The following HECW2 variants were observed in gnomAD, a reference collection of about 807,000 sequenced individuals.
HECW2 encodes E3 ubiquitin-protein ligase HECW2.
In HECW2, 61 loss-of-function variants were observed where a neutral mutation model predicts 175.2. The observed-to-expected ratio is 0.35, with a 90% CI of 0.28 to 0.43. The LOEUF (loss-of-function observed/expected upper bound fraction) is 0.43, where lower values mean the gene tolerates loss of function less well. HECW2 is among the 20% of genes least tolerant of loss of function. HECW2 has a pLI of 1.00. For missense variants in HECW2, 1,524 were observed against 2,000.5 expected (o/e 0.76, Z 4.54); for synonymous variants, 671 against 731.0 (o/e 0.92, Z 1.32).
chr2:196,293,441 T>C (rs1412339550), intron 13 of HECW2, among the ~76,000 whole-genome samples: 1 of 152,226 alleles, frequency 6.6e-6, no homozygotes, highest in East Asian at 1.9e-4. Context: ...TTTGCTATTG[T>C]GAATGATGCT....
At chr2:196,425,225 G>GAA in intron 2 of HECW2, among the ~76,000 whole-genome samples, 1 of 143,466 alleles carries the variant, frequency 7.0e-6, no homozygotes, top group Non-Finnish European at 1.5e-5. Flanking sequence ...ATACTGCTTG[G>GAA]AAAAAAAAAA....
chr2:196,438,592 A>G (rs1447898977), intron 1 of HECW2, among the ~76,000 whole-genome samples: 1 of 152,216 alleles, frequency 6.6e-6, no homozygotes, highest in Non-Finnish European at 1.5e-5. Flanking sequence ...ATTGATCAGA[A>G]AGACCCTGAA....
chr2:196,370,202 T>G (rs540546186), intron 2 of HECW2, among the ~76,000 whole-genome samples: 2 of 151,742 alleles, frequency 1.3e-5, no homozygotes, highest in African/African-American at 4.8e-5. Context: ...CTGCTGCTGA[T>G]TATTTAGGGC....
At chr2:196,373,687 A>G in intron 2 of HECW2, among the ~76,000 whole-genome samples, 1 of 152,212 alleles carries the variant, frequency 6.6e-6, no homozygotes. Context: ...ATAAGAGTAC[A>G]AGGGGAAACA....
chr2:196,539,923 T>C (rs1030259636), intron 1 of HECW2, among the ~76,000 whole-genome samples: 2 of 152,226 alleles, frequency 1.3e-5, no homozygotes, highest in Non-Finnish European at 2.9e-5. Context: ...CCAAAACTGA[T>C]ACTATCTTTT....
chr2:196,443,015 G>A (rs1696084488), intron 1 of HECW2, among the ~76,000 whole-genome samples: 1 of 152,076 alleles, frequency 6.6e-6, no homozygotes, highest in African/African-American at 2.4e-5. Flanking sequence ...CAAAATAAAG[G>A]AAAATAATGA....
chr2:196,319,337 G>A lies in HECW2; in HGVS notation c.1553C>T (p.Ala518Val). The A allele has an allele frequency of 1.9e-6, 3 of 1,614,148 alleles. No individual in the cohort carries two copies. The highest frequency in any genetic ancestry group is 2.5e-6 in the Non-Finnish European group (3 of 1,180,022). Residue 518 changes from alanine to valine, a missense_variant, in exon 9 of 29, where the codon GCC (alanine) becomes GTC (valine). Around this residue, in one of 11 missense-constraint regions of HECW2, gnomAD observed 604 missense variants for 588.3 expected, o/e 1.03. Coordinates refer to ENST00000644978, the MANE Select transcript of HECW2 (RefSeq NM_001348768.2). The part of the protein sequence containing the change: ...LEDNPVENEE[A>V]STHEAASFED... ...AAAGGAAGCAGCTTCGTGTGTGGAGGCTTCCTCATTCTCAACAGGGTTGTC... is the reference window on the plus strand; with the variant it reads ...AAAGGAAGCAGCTTCGTGTGTGGAGACTTCCTCATTCTCAACAGGGTTGTC...
chr2:196,480,252 T>C (rs1401637844), intron 1 of HECW2, among the ~76,000 whole-genome samples: 1 of 152,244 alleles, frequency 6.6e-6, no homozygotes, highest in African/African-American at 2.4e-5. Flanking sequence ...ATAAGATTTC[T>C]TTCTCCTTTT....
At chr2:196,505,714 A>G (rs1018027488) in intron 1 of HECW2, among the ~76,000 whole-genome samples, 8 of 152,316 alleles carry the variant, frequency 5.3e-5, no homozygotes, top group Middle Eastern at 3.4e-3. Context: ...CATAATGGCT[A>G]ATCCTTATCA....
chr2:196,401,725 A>G (rs1298365758), intron 2 of HECW2, among the ~76,000 whole-genome samples: 1 of 152,218 alleles, frequency 6.6e-6, no homozygotes, highest in African/African-American at 2.4e-5. Context: ...GATGTTTTAA[A>G]ATGAACATTT....
intron 18 of HECW2, among the ~76,000 whole-genome samples, chr2:196,255,039 G>A (rs889252891): frequency 5.3e-4 from 77 of 145,366 alleles, no homozygotes; most frequent in African/African-American, 1.8e-3. Flanking sequence ...GTGGCACAAT[G>A]TTGGCTCACT....
intron 15 of HECW2, among the ~76,000 whole-genome samples, chr2:196,276,633 T>G (rs1689966952): frequency 6.6e-6 from 1 of 152,202 alleles, no homozygotes; most frequent in Non-Finnish European, 1.5e-5. Flanking sequence ...TGTTCTGCTT[T>G]TAAGATGAAT....
intron 13 of HECW2, 35 bp downstream of exon 13, chr2:196,306,453 G>A (rs780484042): frequency 9.5e-6 from 15 of 1,575,928 alleles, no homozygotes; most frequent in Non-Finnish European, 1.2e-5. Context: ...TTGGCCTGCT[G>A]TTTTCCTTCA....
intron 21 of HECW2, 135 bp downstream of exon 21, chr2:196,240,314 C>A: frequency 1.0e-5 from 5 of 487,158 alleles, no homozygotes; most frequent in East Asian, 3.3e-5. Context: ...AAAAAAAGCC[C>A]AAAGGTTTAA....
intron 2 of HECW2, 134 bp from the exon 3 acceptor site, chr2:196,343,898 A>G (rs1692854284): frequency 1.6e-6 from 1 of 614,330 alleles, no homozygotes; most frequent in Admixed American, 2.8e-5. Context: ...CTTAATGACT[A>G]CCTCCCAGCA....
chr2:196,406,298 T>C (rs1275793546), intron 2 of HECW2, among the ~76,000 whole-genome samples: 1 of 152,206 alleles, frequency 6.6e-6, no homozygotes, highest in Non-Finnish European at 1.5e-5. Context: ...CTTCAGTAAA[T>C]TGTCCTACTC....
At chr2:196,590,776 G>C (rs1276242104) in intron 1 of HECW2, among the ~76,000 whole-genome samples, 1 of 152,164 alleles carries the variant, frequency 6.6e-6, no homozygotes, top group African/African-American at 2.4e-5. Context: ...TAACAACCTT[G>C]GTTTCTTTGC....
intron 1 of HECW2, among the ~76,000 whole-genome samples, chr2:196,566,990 G>A (rs1349445069): frequency 6.6e-6 from 1 of 152,110 alleles, no homozygotes; most frequent in African/African-American, 2.4e-5. Flanking sequence ...CAGCATTTTA[G>A]CTGGGTACAT....
chr2:196,264,537 A>C (rs937585167), intron 17 of HECW2, among the ~76,000 whole-genome samples: 1 of 152,232 alleles, frequency 6.6e-6, no homozygotes, highest in Non-Finnish European at 1.5e-5. Flanking sequence ...AATTTGGGGA[A>C]TCTTTCAAAG....
Sources: allele counts gnomAD v4.1 joint callset (sites outside exome capture counted in the v4.1 genomes callset), GRCh38; gene constraint gnomAD v4.1.1; regional missense constraint gnomAD v4.1.1; transcripts MANE v1.5; gene names NCBI Gene and HGNC (gene_info 2026-07-23, HGNC 2026-07-21).